SLC6A2: variants seen among roughly 807,000 people sequenced by gnomAD.
SLC6A2 encodes the protein sodium-dependent noradrenaline transporter.
A neutral mutation model predicts 71.7 loss-of-function variants in SLC6A2; 26 were observed. That is an observed-to-expected ratio of 0.36 (90% CI 0.27 to 0.50). The LOEUF (loss-of-function observed/expected upper bound fraction) is 0.50. Among genes scored for constraint, SLC6A2 ranks in the 20% least tolerant of loss-of-function variants. The probability of loss-of-function intolerance (pLI) is 0.96; values close to 1 mark genes in which losing one functional copy is unlikely to be tolerated. For synonymous variants in SLC6A2, 363 were observed against 337.9 expected (o/e 1.07, Z -0.82); for missense variants, 581 against 803.9 (o/e 0.72, Z 3.35).
chr16:55,665,606 T>C (rs777712730), intron 2 of SLC6A2, among the ~76,000 whole-genome samples: 34 of 152,092 alleles, frequency 2.2e-4, no homozygotes, highest in Non-Finnish European at 4.4e-4. Context: ...AGCTCCTCTT[T>C]GACCACACTA....
intron 8 of SLC6A2, among the ~76,000 whole-genome samples, chr16:55,695,732 C>T (rs1456917797): frequency 6.6e-6 from 1 of 152,222 alleles, no homozygotes; most frequent in African/African-American, 2.4e-5. Context: ...AATAGACTCA[C>T]TTTACGAATG....
chr16:55,656,801 T>C lies in SLC6A2; in HGVS notation c.107T>C (p.Val36Ala), dbSNP rs1964465098. Reference sequence around the variant, plus strand: ...CGCAAAACTGCGGAGCTGCTGGTGGTGAAGGAGCGCAACGGCGTCCAGTGC... The same window carrying C: ...CGCAAAACTGCGGAGCTGCTGGTGGCGAAGGAGCGCAACGGCGTCCAGTGC... ...RARKTAELLV[V>A]KERNGVQCLL... Residue 36 changes from valine to alanine, a missense_variant, in exon 2 of 15, where the codon GTG becomes GCG. By Grantham distance (64) the Val-to-Ala change is moderately conservative (BLOSUM62 0). Transcript: ENST00000568943. The surrounding 1 kb of genome is among the most constrained non-coding windows in gnomAD (Gnocchi z 4.5). 6.2e-7 allele frequency: 1 copy of C among 1,613,088 alleles called. No homozygotes were observed. Among genetic ancestry groups the C allele is most frequent in the Non-Finnish European group, 8.5e-7 (1 of 1,179,756 alleles).
chr16:55,675,255 A>G (rs999924468), intron 4 of SLC6A2, among the ~76,000 whole-genome samples: 4 of 152,106 alleles, frequency 2.6e-5, no homozygotes, highest in Non-Finnish European at 4.4e-5. Flanking sequence ...CATTTTATCA[A>G]TCCCTACACA....
At chr16:55,673,912 T>A (rs1275921204) in intron 4 of SLC6A2, among the ~76,000 whole-genome samples, 1 of 152,262 alleles carries the variant, frequency 6.6e-6, no homozygotes, top group East Asian at 1.9e-4. Flanking sequence ...GAATTGTCCC[T>A]TCTCCCCTGT....
In SLC6A2 at chr16:55,672,033, A is replaced by C. The variant is rs764610941; in HGVS notation, c.502A>C (p.Thr168Pro). 3 of 1,613,764 alleles carry C rather than the reference A, an allele frequency of 1.9e-6. No homozygotes were observed. The highest frequency in any genetic ancestry group is 2.5e-6 in the Non-Finnish European group (3 of 1,179,948). The change falls in exon 4 of 15, where the codon ACC (threonine) becomes CCC (proline). Residue 168 changes from threonine (T) to proline (P), a missense_variant. By Grantham distance (38) the Thr-to-Pro change is conservative. Coordinates refer to ENST00000568943, the MANE Select transcript of SLC6A2 (RefSeq NM_001172501.3). ...WSLYYLFSSF[T>P]LNLPWTDCGH... ...ACTCTACTACCTCTTCTCCTCCTTC[A>C]CCCTCAACCTGCCCTGGACCGACTG...
intron 11 of SLC6A2, among the ~76,000 whole-genome samples, chr16:55,699,168 G>T (rs1965893308): frequency 6.6e-6 from 1 of 152,178 alleles, no homozygotes; most frequent in Non-Finnish European, 1.5e-5. Context: ...AAGAGTCTGG[G>T]CTCTCCTATC....
At chr16:55,691,740 T>G (rs1965635727) in intron 5 of SLC6A2, among the ~76,000 whole-genome samples, 178 bp from the exon 6 acceptor site, 1 of 152,216 alleles carries the variant, frequency 6.6e-6, no homozygotes, top group African/African-American at 2.4e-5. Flanking sequence ...TTTGCTGGTC[T>G]AGCCCTGGAT....
rs923724952 is a variant in SLC6A2, at chr16:55,703,259, G to A, written c.*913G>A. ...AGGGACCAAGTGAGGCCTCATGTGTGTCTTCACCGTGCTGTCCTCACAAGG... is the reference window on the plus strand; with the variant it reads ...AGGGACCAAGTGAGGCCTCATGTGTATCTTCACCGTGCTGTCCTCACAAGG... On this transcript the variant is annotated 3_prime_UTR_variant, in exon 15 of 15. Transcript: ENST00000568943. 1 of 985,520 alleles carries A rather than the reference G, an allele frequency of 1.0e-6. No homozygotes were observed. The highest frequency in any genetic ancestry group is 6.1e-5 in the Admixed American group (1 of 16,288). The allele number at this position is 985,520 out of a possible 1,614,324, so 61.0% of individuals were successfully genotyped here.
At chr16:55,675,817 G>A (rs2142527614) in intron 4 of SLC6A2, among the ~76,000 whole-genome samples, 1 of 152,260 alleles carries the variant, frequency 6.6e-6, no homozygotes, top group South Asian at 2.1e-4. Flanking sequence ...AAACTTTAGG[G>A]CTCCTCTCCT....
chr16:55,692,800 A>G (rs1421115558), intron 6 of SLC6A2, among the ~76,000 whole-genome samples: 1 of 152,188 alleles, frequency 6.6e-6, no homozygotes. Context: ...ATGAAGAGGG[A>G]TGCATCCCAA....
intron 4 of SLC6A2, among the ~76,000 whole-genome samples, chr16:55,678,486 A>G (rs561879336): frequency 1.3e-5 from 2 of 152,248 alleles, no homozygotes; most frequent in South Asian, 2.1e-4. Context: ...TCCTGTACTC[A>G]TTTAGGCTGA....
Position 55,702,532 on chromosome 16 carries a change from C to T in SLC6A2, c.*186C>T, listed in dbSNP as rs1597020215. On this transcript the variant is annotated 3_prime_UTR_variant, in exon 15 of 15. Coordinates refer to ENST00000568943, the MANE Select transcript of SLC6A2 (RefSeq NM_001172501.3). Reference sequence around the variant, plus strand: ...TTTTGTTCACCTTCTGTGCATCTGGCCTGGGGGCTGTTAGCTCAGAGGAGA... The same window carrying T: ...TTTTGTTCACCTTCTGTGCATCTGGTCTGGGGGCTGTTAGCTCAGAGGAGA... 1.3e-6 allele frequency: 2 copies of T among 1,500,922 alleles called. No homozygotes were observed. The highest frequency in any genetic ancestry group is 2.5e-5 in the East Asian group (1 of 40,374). The allele number at this position is 1,500,922 out of a possible 1,614,324, so 93.0% of individuals were successfully genotyped here. A position where few individuals can be genotyped will look rare whatever the true frequency, so the allele number is the denominator to read the frequency against.
At chr16:55,691,097 A>C (rs1366082756) in intron 5 of SLC6A2, among the ~76,000 whole-genome samples, 5 of 151,540 alleles carry the variant, frequency 3.3e-5, no homozygotes. Flanking sequence ...AATATGCTTA[A>C]AGGGGGGTAA....
chr16:55,658,743 A>G (rs1314204295), intron 2 of SLC6A2, among the ~76,000 whole-genome samples: 2 of 152,174 alleles, frequency 1.3e-5, no homozygotes, highest in African/African-American at 2.4e-5. Context: ...CTTCAGGGGC[A>G]TCTGAGGTCT....
At position 55,700,312 on chromosome 16, in the gene SLC6A2, C is replaced by A. The variant is rs1263736807; in HGVS notation, c.1758+6C>A. 1.3e-5 allele frequency: 21 copies of A among 1,610,282 alleles called. No homozygotes were observed. The highest frequency in any genetic ancestry group is 1.8e-5 in the Non-Finnish European group (21 of 1,177,122). ...CGCAGGGCTCTCTTTGGGAGGTGAG[C>A]TCTGGTCCTCCCCAGGGGAACAGGG... On this transcript the variant is annotated splice_donor_region_variant and intron_variant, in intron 13 of 14. Coordinates refer to ENST00000568943, the MANE Select transcript of SLC6A2 (RefSeq NM_001172501.3).
At chr16:55,667,573 T>C (rs1292218784) in intron 2 of SLC6A2, among the ~76,000 whole-genome samples, 4 of 152,050 alleles carry the variant, frequency 2.6e-5, no homozygotes, top group East Asian at 1.9e-4. Context: ...GGGACATGGG[T>C]CAGGTGGCAA....
intron 2 of SLC6A2, among the ~76,000 whole-genome samples, chr16:55,667,787 TC>T (rs869043947): frequency 2.8e-5 from 4 of 144,712 alleles, no homozygotes; most frequent in African/African-American, 5.3e-5. Context: ...CTGATCCTAT[TC>T]AGACTCATGT....
chr16:55,703,060 A>G lies in SLC6A2; in HGVS notation c.*714A>G. 2.0e-6 allele frequency: 2 copies of G among 986,674 alleles called. No homozygotes were observed. Among genetic ancestry groups the G allele is most frequent in the African/African-American group, 1.7e-5 (1 of 57,374 alleles). The allele number at this position is 986,674 out of a possible 1,614,324, so 61.1% of individuals were successfully genotyped here. On this transcript the variant is annotated 3_prime_UTR_variant, in exon 15 of 15. Transcript: ENST00000568943. Reference sequence around the variant, plus strand: ...CCCAGAGATATGGGGGACAGGAGGAAGAGGGTAAATGAACCACAGTGAGCA... The same window carrying G: ...CCCAGAGATATGGGGGACAGGAGGAGGAGGGTAAATGAACCACAGTGAGCA...
intron 4 of SLC6A2, among the ~76,000 whole-genome samples, chr16:55,681,606 G>C (rs1228479466): frequency 6.6e-6 from 1 of 152,228 alleles, no homozygotes; most frequent in Non-Finnish European, 1.5e-5. Flanking sequence ...CAGCATCGCT[G>C]GTGGTCTTCA....
Sources: gnomAD v4.1 joint callset for allele counts (sites outside exome capture counted in the v4.1 genomes callset) on GRCh38, gnomAD v4.1.1 for gene constraint, Gnocchi (gnomAD v3.1) non-coding constraint, MANE v1.5 for transcripts, NCBI Gene and HGNC (gene_info 2026-07-23, HGNC 2026-07-21) for gene names.